The following PTPRD variants were observed in gnomAD, a reference collection of about 807,000 sequenced individuals.
The protein encoded by PTPRD is receptor-type tyrosine-protein phosphatase delta.
Under a neutral mutation model 214.5 loss-of-function variants are expected in PTPRD, and 34 were observed. That is an observed-to-expected ratio of 0.16 (90% confidence interval 0.12 to 0.21). The LOEUF (loss-of-function observed/expected upper bound fraction) is 0.21. Among genes scored for constraint, PTPRD ranks in the 10% least tolerant of loss-of-function variants. The pLI is 1.00. For synonymous variants in PTPRD, 1,128 were observed against 845.7 expected (o/e 1.33, Z -5.79); for missense variants, 2,545 against 2,398.7 (o/e 1.06, Z -1.27).
chr9:9,645,521 AT>A (rs1476112289), intron 7 of PTPRD, among the ~76,000 whole-genome samples: 6 of 150,584 alleles, frequency 4.0e-5, no homozygotes, highest in Non-Finnish European at 8.9e-5. Context: ...TGAACAAAAC[AT>A]TTTTTAATAA....
At chr9:10,067,908 C>T (rs2097913438) in intron 3 of PTPRD, among the ~76,000 whole-genome samples, 1 of 151,904 alleles carries the variant, frequency 6.6e-6, no homozygotes, top group African/African-American at 2.4e-5. Context: ...TGGTCAATTT[C>T]AATCTACCCA....
chr9:9,625,126 GT>G (rs557325103), intron 7 of PTPRD, among the ~76,000 whole-genome samples: 144 of 152,278 alleles, frequency 9.5e-4, no homozygotes, highest in African/African-American at 3.3e-3. Flanking sequence ...GTCCACAGTA[GT>G]TCTTGGACCT....
chr9:10,107,204 C>T (rs2098642171), intron 3 of PTPRD, among the ~76,000 whole-genome samples: 1 of 151,738 alleles, frequency 6.6e-6, no homozygotes, highest in South Asian at 2.1e-4. Flanking sequence ...AAATGAAATA[C>T]CGGTCAGAGA....
At chr9:10,006,168 A>G (rs1168157128) in intron 4 of PTPRD, among the ~76,000 whole-genome samples, 1 of 152,078 alleles carries the variant, frequency 6.6e-6, no homozygotes, top group Non-Finnish European at 1.5e-5. Context: ...AATGTAAATA[A>G]GAGTAAAACC....
intron 11 of PTPRD, among the ~76,000 whole-genome samples, chr9:8,760,350 T>C (rs972326383): frequency 7.9e-5 from 12 of 152,204 alleles, no homozygotes; most frequent in African/African-American, 2.7e-4. Context: ...TCAATATTCA[T>C]GTTTGGAGTT....
chr9:8,729,126 T>G (rs996099354), intron 12 of PTPRD, among the ~76,000 whole-genome samples: 1 of 152,222 alleles, frequency 6.6e-6, no homozygotes, highest in Non-Finnish European at 1.5e-5. Flanking sequence ...TAAATTTCTA[T>G]AGTTCCTTCC....
At chr9:10,439,304 T>A (rs930891439) in intron 2 of PTPRD, among the ~76,000 whole-genome samples, 3 of 151,814 alleles carry the variant, frequency 2.0e-5, no homozygotes, top group East Asian at 3.9e-4. Context: ...TTGTCACTAC[T>A]AAGTCTAGAG....
chr9:9,900,641 G>GTTTTTTTTTTGTTTTT (rs1555302234), intron 5 of PTPRD, among the ~76,000 whole-genome samples: 1 of 120,086 alleles, frequency 8.3e-6, no homozygotes, highest in African/African-American at 3.1e-5. Context: ...ACATTTTCAG[G>GTTTTTTTTTTGTTTTT]TTTTTTTTTT....
At chr9:9,917,765 C>G (rs1306561519) in intron 5 of PTPRD, among the ~76,000 whole-genome samples, 2 of 151,942 alleles carry the variant, frequency 1.3e-5, no homozygotes, top group Non-Finnish European at 2.9e-5. Context: ...GGAGTTATCT[C>G]AGAAATGCAA....
intron 4 of PTPRD, among the ~76,000 whole-genome samples, chr9:9,956,999 G>A (rs538659069): frequency 8.9e-4 from 135 of 152,248 alleles, no homozygotes; most frequent in African/African-American, 3.1e-3. Flanking sequence ...CCTAACAAGA[G>A]AAACTATTGG....
At chr9:10,267,903 A>G (rs1201282082) in intron 3 of PTPRD, among the ~76,000 whole-genome samples, 1 of 152,178 alleles carries the variant, frequency 6.6e-6, no homozygotes, top group Non-Finnish European at 1.5e-5. Flanking sequence ...AAAATCACAC[A>G]TATCTAATGA....
intron 5 of PTPRD, among the ~76,000 whole-genome samples, chr9:9,786,516 G>A (rs2098925325): frequency 6.6e-6 from 1 of 152,162 alleles, no homozygotes; most frequent in Admixed American, 6.5e-5. Context: ...CAGCATGTGA[G>A]AAACACAACA....
intron 9 of PTPRD, among the ~76,000 whole-genome samples, chr9:9,392,872 A>G (rs1569567938): frequency 6.6e-6 from 1 of 152,130 alleles, no homozygotes; most frequent in Non-Finnish European, 1.5e-5. Flanking sequence ...TACAGTAATT[A>G]GAGTCAGCCA....
chr9:8,713,662 C>T (rs1236928213), intron 12 of PTPRD: 4 of 1,506,516 alleles, frequency 2.7e-6, no homozygotes, highest in East Asian at 2.3e-5. Flanking sequence ...CGCCCGGCAC[C>T]GCGCCCGGGC....
At chr9:8,658,364 G>A (rs1013977891) in intron 12 of PTPRD, among the ~76,000 whole-genome samples, 1 of 152,128 alleles carries the variant, frequency 6.6e-6, no homozygotes, top group South Asian at 2.1e-4. Flanking sequence ...GAACCACTGT[G>A]AGTCCCTCTC....
chr9:9,159,762 A>C (rs1229651522), intron 10 of PTPRD, among the ~76,000 whole-genome samples: 1 of 152,166 alleles, frequency 6.6e-6, no homozygotes, highest in African/African-American at 2.4e-5. Context: ...AAACTATTTG[A>C]GCAAAAAGAA....
chr9:8,338,776 C>G, intron 43 of PTPRD, 146 bp downstream of exon 43: 1 of 545,332 alleles, frequency 1.8e-6, no homozygotes, highest in Non-Finnish European at 2.8e-6. Context: ...ACATATTAAA[C>G]ATAAAAAAAA....
intron 9 of PTPRD, among the ~76,000 whole-genome samples, chr9:9,235,801 C>G (rs889282389): frequency 6.6e-6 from 1 of 152,112 alleles, no homozygotes; most frequent in African/African-American, 2.4e-5. Context: ...TTCAGATTAA[C>G]ATGAAAAAAT....
intron 11 of PTPRD, among the ~76,000 whole-genome samples, chr9:8,949,686 T>C (rs940579814): frequency 6.6e-6 from 1 of 152,202 alleles, no homozygotes; most frequent in African/African-American, 2.4e-5. Flanking sequence ...CTATTGTTCT[T>C]AATATTCTTT....
Sources: allele counts gnomAD v4.1 joint callset (sites outside exome capture counted in the v4.1 genomes callset), GRCh38; gene constraint gnomAD v4.1.1; transcripts MANE v1.5; gene names NCBI Gene and HGNC (gene_info 2026-07-23, HGNC 2026-07-21).